MTMR9: variants seen among roughly 807,000 people sequenced by gnomAD.
The protein encoded by MTMR9 is myotubularin related protein 9, also known as myotubularin-related protein 9.
MTMR9 carries 39 observed loss-of-function variants against 69.5 expected under a neutral mutation model. The ratio of observed to expected loss-of-function variants is 0.56; its 90% confidence interval spans 0.43 to 0.73. The LOEUF is 0.73. MTMR9 is among the 30% of genes least tolerant of loss of function. The pLI is 0.00. For synonymous variants in MTMR9, 354 were observed against 240.8 expected, an observed-to-expected ratio of 1.47 and a Z score of -4.35; for missense variants, 900 against 671.2, an observed-to-expected ratio of 1.34 and a Z score of -3.77.
rs1176816607 is a variant in MTMR9, at chr8:11,287,934, T to C, written c.182+2864T>C. On this transcript the variant is annotated intron_variant, in intron 1 of 9. Coordinates refer to ENST00000221086, the MANE Select transcript of MTMR9 (RefSeq NM_015458.4). ...AATATGTATTATATATTATATAATA[T>C]GTGTTATATATCATACGTATTATAT... Among the ~76,000 whole-genome samples the C allele has an allele frequency of 8.5e-4, 109 of 128,446 alleles. 3 individuals carry two copies. The highest frequency in any genetic ancestry group is 9.2e-4 in the Non-Finnish European group (59 of 64,216). The allele number at this position is 128,446 out of a possible 152,430, so 84.3% of individuals were successfully genotyped here.
At position 11,326,624 on chromosome 8, in the gene MTMR9, C is replaced by T. The variant is rs571785447; in HGVS notation, c.*3836C>T. 8 of 152,312 alleles carry T rather than the reference C, an allele frequency of 5.3e-5. No homozygotes were observed. The highest frequency in any genetic ancestry group is 2.6e-4 in the Admixed American group (4 of 15,306). The allele number at this position is 152,312 out of a possible 1,614,324, so 9.4% of individuals were successfully genotyped here. The stretch of plus-strand genomic sequence containing the variant: ...GCTAGGCCTGTTCTCCTCCTCCAGA[C>T]CTAGTATTCTAAGTTATTACCACAT... On this transcript the variant is annotated 3_prime_UTR_variant, in exon 10 of 10. Coordinates refer to ENST00000221086, the MANE Select transcript of MTMR9 (RefSeq NM_015458.4).
At chr8:11,319,543 G>A in intron 8 of MTMR9, 144 bp from the exon 9 acceptor site, 1 of 797,458 alleles carries the variant, frequency 1.3e-6, no homozygotes, top group Non-Finnish European at 2.0e-6. Context: ...CAAATCTATT[G>A]ATTTTTCAAC....
chr8:11,329,610 T>G (rs947990329), downstream of MTMR9, among the ~76,000 whole-genome samples: 4 of 152,236 alleles, frequency 2.6e-5, no homozygotes, highest in Admixed American at 2.6e-4. Context: ...TCTGGTTCAC[T>G]CAGTGCTCAA....
intron 3 of MTMR9, among the ~76,000 whole-genome samples, chr8:11,302,946 T>G (rs754087481): frequency 6.6e-6 from 1 of 151,850 alleles, no homozygotes; most frequent in Non-Finnish European, 1.5e-5. Context: ...ATTATAAAAA[T>G]TTATGGAAAA....
At chr8:11,315,344 A>G (rs1023730592) in intron 7 of MTMR9, among the ~76,000 whole-genome samples, 2 of 152,332 alleles carry the variant, frequency 1.3e-5, no homozygotes, top group Middle Eastern at 3.4e-3. Flanking sequence ...GCAATCTCCC[A>G]GAAGCTGGGT....
chr8:11,305,092 T>A lies in MTMR9; in HGVS notation c.591+78T>A, dbSNP rs1198814667. ...TTTTCGTAGAAATGTTCCCTTTTGC[T>A]CTCTGTCTGTTCACTGAAATGATTG... is the stretch of plus-strand genomic sequence containing the variant. On this transcript the variant is annotated intron_variant, in intron 4 of 9. Coordinates refer to ENST00000221086, the MANE Select transcript of MTMR9 (RefSeq NM_015458.4). 2.1e-6 allele frequency: 3 copies of A among 1,404,114 alleles called. No homozygotes were observed. In the South Asian group the frequency reaches 3.9e-5, roughly 18 times the overall value. 87.0% of individuals were successfully genotyped at this position (1,404,114 alleles called of 1,614,324 possible).
Position 11,325,670 on chromosome 8 carries a change from T to TA in MTMR9, c.*2884dup, listed in dbSNP as rs71203382. The TA allele has an allele frequency of 1.3e-5, 2 of 151,874 alleles. No homozygotes were observed. Among genetic ancestry groups the TA allele is most frequent in the Non-Finnish European group, 2.9e-5 (2 of 67,978 alleles). The allele number at this position is 151,874 out of a possible 1,614,324, so 9.4% of individuals were successfully genotyped here. On this transcript the variant is annotated 3_prime_UTR_variant, in exon 10 of 10. Transcript: ENST00000221086. ...TTTAAATAAGTACTTTTTTTTTTTT[T>TA]AATCAGAAGAACATTGTTGTTTGAT...
chr8:11,309,163 A>G (rs986382895), intron 5 of MTMR9, among the ~76,000 whole-genome samples: 1 of 152,140 alleles, frequency 6.6e-6, no homozygotes, highest in Non-Finnish European at 1.5e-5. Context: ...TGCTGATGGC[A>G]CTGGGTCTCT....
intron 9 of MTMR9, chr8:11,320,092 A>G: frequency 2.5e-6 from 1 of 395,142 alleles, no homozygotes; most frequent in African/African-American, 2.1e-5. Context: ...ATATTTTTCT[A>G]GATAAGAAAG....
At chr8:11,297,143 T>C (rs1157418828) in intron 2 of MTMR9, among the ~76,000 whole-genome samples, 1 of 152,194 alleles carries the variant, frequency 6.6e-6, no homozygotes, top group Non-Finnish European at 1.5e-5. Context: ...ATCTGGACTT[T>C]GTGTCCAAAA....
chr8:11,291,957 T>G (rs552272278), intron 1 of MTMR9, among the ~76,000 whole-genome samples: 1 of 152,282 alleles, frequency 6.6e-6, no homozygotes, highest in East Asian at 1.9e-4. Flanking sequence ...TGTGTTGATA[T>G]ATGTACACAC....
chr8:11,334,786 G>A, the MTMR9 span, among the ~76,000 whole-genome samples: 2 of 152,086 alleles, frequency 1.3e-5, no homozygotes, highest in African/African-American at 4.8e-5. Flanking sequence ...TCAGCCTTCA[G>A]TTCAGCCAGT....
At chr8:11,335,772 A>C in the MTMR9 span, among the ~76,000 whole-genome samples, 1 of 152,158 alleles carries the variant, frequency 6.6e-6, no homozygotes, top group Admixed American at 6.5e-5. Flanking sequence ...TCATCTATAC[A>C]TGGCATACTC....
At chr8:11,315,508 G>A (rs1288342460) in intron 7 of MTMR9, among the ~76,000 whole-genome samples, 1 of 152,136 alleles carries the variant, frequency 6.6e-6, no homozygotes, top group Non-Finnish European at 1.5e-5. Flanking sequence ...AATGTTGGAT[G>A]GCTGCCAAAA....
intron 8 of MTMR9, 133 bp from the exon 9 acceptor site, chr8:11,319,553 CA>C (rs1381460709): frequency 1.2e-6 from 1 of 865,764 alleles, no homozygotes; most frequent in East Asian, 2.7e-5. Flanking sequence ...GATTTTTCAA[CA>C]CTTTGTTTCT....
the MTMR9 span, among the ~76,000 whole-genome samples, chr8:11,338,532 C>T: frequency 6.6e-6 from 1 of 152,180 alleles, no homozygotes; most frequent in Non-Finnish European, 1.5e-5. Context: ...GACATAATTC[C>T]TGTAATGGGA....
chr8:11,333,223 C>A, the MTMR9 span, among the ~76,000 whole-genome samples: 2 of 152,096 alleles, frequency 1.3e-5, no homozygotes, highest in East Asian at 3.8e-4. Context: ...TGAAAACTAT[C>A]AAAAATCACA....
chr8:11,294,503 T>TC (rs1799479535), intron 1 of MTMR9, among the ~76,000 whole-genome samples: 1 of 137,504 alleles, frequency 7.3e-6, no homozygotes, highest in East Asian at 2.0e-4. Flanking sequence ...ACTTTCACTT[T>TC]TTTTTTTTTT....
chr8:11,335,295 C>T, the MTMR9 span, among the ~76,000 whole-genome samples: 1 of 152,138 alleles, frequency 6.6e-6, no homozygotes, highest in Non-Finnish European at 1.5e-5. Context: ...TGAAATTTGA[C>T]ATTTAAAAAT....
Sources: gnomAD v4.1 joint callset for allele counts (sites outside exome capture counted in the v4.1 genomes callset) on GRCh38, gnomAD v4.1.1 for gene constraint, MANE v1.5 for transcripts, NCBI Gene and HGNC (gene_info 2026-07-23, HGNC 2026-07-21) for gene names.